The following MED27 variants were observed in gnomAD, a reference collection of about 807,000 sequenced individuals.
MED27 encodes mediator of RNA polymerase II transcription subunit 27.
A neutral mutation model predicts 38.2 loss-of-function variants in MED27; 30 were observed. The ratio of observed to expected loss-of-function variants is 0.79; its 90% CI spans 0.59 to 1.07. The LOEUF is 1.07. Among genes scored for constraint, MED27 ranks in the 50% least tolerant of loss-of-function variants. The pLI is 0.00. For missense variants in MED27, 289 were observed against 397.5 expected (o/e 0.73, Z 2.32); for synonymous variants, 122 against 153.5 (o/e 0.79, Z 1.52).
chr9:131,999,245 G>C (rs1181469598), intron 3 of MED27, among the ~76,000 whole-genome samples: 1 of 152,190 alleles, frequency 6.6e-6, no homozygotes, highest in Non-Finnish European at 1.5e-5. Flanking sequence ...TGGAAGGTGA[G>C]GAGAAGTTTC....
At chr9:131,969,981 G>A (rs530244487) in intron 3 of MED27, among the ~76,000 whole-genome samples, 9 of 152,268 alleles carry the variant, frequency 5.9e-5, no homozygotes, top group African/African-American at 2.2e-4. Context: ...GGGGGTGGGG[G>A]CATAGGAGGG....
chr9:131,952,359 C>T (rs561567143), intron 3 of MED27, among the ~76,000 whole-genome samples: 2 of 152,322 alleles, frequency 1.3e-5, no homozygotes, highest in East Asian at 1.9e-4. Context: ...GGGACATGGA[C>T]TGGGGGGAAG....
At chr9:132,047,242 CAG>C (rs779133027) in intron 2 of MED27, among the ~76,000 whole-genome samples, 1 of 151,838 alleles carries the variant, frequency 6.6e-6, no homozygotes, top group Non-Finnish European at 1.5e-5. Context: ...GCAGCAAAGA[CAG>C]AGGCAGAGCA....
chr9:131,990,428 A>C (rs7025683), intron 3 of MED27, among the ~76,000 whole-genome samples: 1 of 151,980 alleles, frequency 6.6e-6, no homozygotes, highest in South Asian at 2.1e-4. Context: ...CACTATTTAC[A>C]TGTTCACAAA....
intron 2 of MED27, among the ~76,000 whole-genome samples, chr9:132,043,968 T>C (rs1833277660): frequency 6.6e-6 from 1 of 152,224 alleles, no homozygotes; most frequent in Non-Finnish European, 1.5e-5. Context: ...CGTAGTCAAC[T>C]GTGTCAACTG....
chr9:131,889,623 C>T lies in MED27; in HGVS notation c.681+4262G>A, dbSNP rs374576520. Among the ~76,000 whole-genome samples, 45 of 152,148 alleles carry T rather than the reference C, an allele frequency of 3.0e-4. No individual in the cohort carries two copies. The East Asian group carries it at 8.3e-3, about 28-fold the overall frequency. On this transcript the variant is annotated intron_variant, in intron 5 of 7. Coordinates refer to ENST00000292035, the MANE Select transcript of MED27 (RefSeq NM_004269.4). This position sits in a 1 kb window ranked among gnomAD's most constrained non-coding sequence, Gnocchi z 4.2. ...AAGAGACAGGATGCTAGGGTCATGG[C>T]GGTGGTTGTTAGAGCAAAGTGCAAA...
intron 3 of MED27, among the ~76,000 whole-genome samples, chr9:131,965,756 A>C (rs73658162): frequency 6.6e-6 from 1 of 152,148 alleles, no homozygotes; most frequent in Non-Finnish European, 1.5e-5. Flanking sequence ...TTTCTTGAAC[A>C]AAAAATAAAG....
intron 3 of MED27, among the ~76,000 whole-genome samples, chr9:131,964,176 C>T (rs552252676): frequency 4.6e-5 from 7 of 151,698 alleles, no homozygotes; most frequent in African/African-American, 1.7e-4. Context: ...TGTAGTTGCA[C>T]CTAGTTCAGA....
At chr9:132,065,377 A>C (rs1833786963) in intron 2 of MED27, among the ~76,000 whole-genome samples, 1 of 152,240 alleles carries the variant, frequency 6.6e-6, no homozygotes, top group Admixed American at 6.5e-5. Context: ...GGGAAAGGAG[A>C]AGAGCGGCGG....
At chr9:132,077,616 C>A in intron 1 of MED27, 30 bp from the exon 2 acceptor site, 1 of 1,613,004 alleles carries the variant, frequency 6.2e-7, no homozygotes, top group Non-Finnish European at 8.5e-7. Flanking sequence ...GGCAAATAAA[C>A]CTAAGCCCAT....
In MED27 at chr9:131,939,351, A is replaced by T. The variant is rs867120817; in HGVS notation, c.573+30T>A. 2.7e-6 allele frequency: 4 copies of T among 1,500,714 alleles called. No homozygotes were observed. In the Middle Eastern group the frequency reaches 7.8e-4, roughly 292 times the overall value. 93.0% of individuals were successfully genotyped at this position (1,500,714 alleles called of 1,614,324 possible). On this transcript the variant is annotated intron_variant, in intron 4 of 7. Coordinates refer to ENST00000292035, the MANE Select transcript of MED27 (RefSeq NM_004269.4). ...TGTGAAGTCCATTTTTTCCCCCAACATCCCTACAAATCAGTCAAGCTGATC... is the reference window on the plus strand; with the variant it reads ...TGTGAAGTCCATTTTTTCCCCCAACTTCCCTACAAATCAGTCAAGCTGATC...
At chr9:132,043,768 G>A (rs1191877274) in intron 2 of MED27, among the ~76,000 whole-genome samples, 1 of 152,174 alleles carries the variant, frequency 6.6e-6, no homozygotes, top group African/African-American at 2.4e-5. Flanking sequence ...TAGTAGAGGT[G>A]GAAGGAGCGT....
At chr9:132,057,282 G>A (rs1017281434) in intron 2 of MED27, among the ~76,000 whole-genome samples, 1 of 152,204 alleles carries the variant, frequency 6.6e-6, no homozygotes, top group African/African-American at 2.4e-5. Context: ...GGCAAGGCAT[G>A]TGTCCTCCTG....
intron 5 of MED27, among the ~76,000 whole-genome samples, chr9:131,891,634 A>G (rs1839230443): frequency 6.6e-6 from 1 of 152,146 alleles, no homozygotes; most frequent in South Asian, 2.1e-4. Flanking sequence ...CCTAACATCT[A>G]TTAATATCCT....
chr9:132,002,900 G>C (rs1353793281), intron 3 of MED27, among the ~76,000 whole-genome samples: 1 of 137,960 alleles, frequency 7.2e-6, no homozygotes, highest in Non-Finnish European at 1.5e-5. Context: ...GGGGTACAGA[G>C]TGAGTGAGAC....
chr9:132,040,752 GCACACA>G (rs1437529619), intron 2 of MED27, among the ~76,000 whole-genome samples: 1 of 152,164 alleles, frequency 6.6e-6, no homozygotes, highest in Non-Finnish European at 1.5e-5. Flanking sequence ...CTGTGCACGT[GCACACA>G]CACCGCACAC....
intron 4 of MED27, among the ~76,000 whole-genome samples, chr9:131,927,641 G>A (rs950262061): frequency 6.6e-6 from 1 of 152,158 alleles, no homozygotes; most frequent in Admixed American, 6.5e-5. Flanking sequence ...ACAGTCCTCA[G>A]GCTAGGAGGT....
rs759576225 is a variant in MED27 at position 132,079,822 on chromosome 9, C to G, written c.23G>C (p.Ser8Thr). The stretch of plus-strand genomic sequence containing the variant: ...CTGGGAAAAGGCCTCCAGGTTCACA[C>G]TGACATTTATCACGTCCGCCATGTT... MADVINV[S>T]VNLEAFSQAI... The change falls in exon 1 of 8, where the codon AGT becomes ACT. Residue 8 changes from serine (S) to threonine (T), a missense_variant. Coordinates refer to ENST00000292035, the MANE Select transcript of MED27 (RefSeq NM_004269.4). The G allele has an allele frequency of 8.1e-6, 13 of 1,605,522 alleles. No individual in the cohort carries two copies. Among genetic ancestry groups the G allele is most frequent in the African/African-American group, 1.3e-5 (1 of 74,912 alleles).
At chr9:132,061,245 G>A (rs1007598108) in intron 2 of MED27, among the ~76,000 whole-genome samples, 1 of 152,188 alleles carries the variant, frequency 6.6e-6, no homozygotes, top group African/African-American at 2.4e-5. Flanking sequence ...GGCCAACGGT[G>A]CCTTATTCAC....
Sources: gnomAD v4.1 joint callset for allele counts (sites outside exome capture counted in the v4.1 genomes callset) on GRCh38, gnomAD v4.1.1 for gene constraint, Gnocchi (gnomAD v3.1) non-coding constraint, MANE v1.5 for transcripts, NCBI Gene and HGNC (gene_info 2026-07-23, HGNC 2026-07-21) for gene names.